TMEM41B: variants seen among roughly 807,000 people sequenced by gnomAD.
The protein encoded by TMEM41B is transmembrane protein 41B.
A neutral mutation model predicts 31.9 loss-of-function variants in TMEM41B; 18 were observed. The observed-to-expected ratio is 0.56, with a 90% CI of 0.39 to 0.84. The LOEUF (loss-of-function observed/expected upper bound fraction) is 0.84, where lower values mean the gene tolerates loss of function less well. Ranked by LOEUF, TMEM41B falls within the 40% of genes least tolerant of loss-of-function variation. The pLI is 0.00. For synonymous variants in TMEM41B, 144 were observed against 124.3 expected, an observed-to-expected ratio of 1.16 and a Z score of -1.05; for missense variants, 322 against 348.0, an observed-to-expected ratio of 0.93 and a Z score of 0.59.
intron 3 of TMEM41B, among the ~76,000 whole-genome samples, chr11:9,290,038 A>AACACACACAC (rs138140225): frequency 2.7e-4 from 40 of 149,900 alleles, no homozygotes; most frequent in Admixed American, 1.0e-3. Flanking sequence ...TCAAAAACAA[A>AACACACACAC]ACACACACAC....
At chr11:9,292,804 A>G (rs1852988348) in intron 3 of TMEM41B, among the ~76,000 whole-genome samples, 1 of 151,428 alleles carries the variant, frequency 6.6e-6, no homozygotes, top group Admixed American at 6.6e-5. Flanking sequence ...CGGCCCTGAT[A>G]ATACTATTCT....
At chr11:9,306,181 G>T (rs953657547) in intron 1 of TMEM41B, among the ~76,000 whole-genome samples, 1 of 151,298 alleles carries the variant, frequency 6.6e-6, no homozygotes, top group African/African-American at 2.4e-5. Context: ...GTTTCACCAT[G>T]TTGGCCAGGC....
chr11:9,313,542 T>C (rs1853613730), intron 1 of TMEM41B, among the ~76,000 whole-genome samples: 1 of 152,194 alleles, frequency 6.6e-6, no homozygotes, highest in Non-Finnish European at 1.5e-5. Context: ...AGCCGTGAGA[T>C]TCTGCAATTA....
chr11:9,292,979 C>A (rs1488898882), intron 3 of TMEM41B, among the ~76,000 whole-genome samples: 4 of 152,090 alleles, frequency 2.6e-5, no homozygotes, highest in Non-Finnish European at 5.9e-5. Context: ...TCTTAAGATT[C>A]CTGCTATTCT....
At chr11:9,300,921 TTC>T (rs1386303000) in intron 1 of TMEM41B, among the ~76,000 whole-genome samples, 1 of 151,454 alleles carries the variant, frequency 6.6e-6, no homozygotes, top group African/African-American at 2.4e-5. Context: ...TGGAATGAGA[TTC>T]CAGAAGCAGT....
At chr11:9,289,777 C>T (rs559410609) in intron 3 of TMEM41B, among the ~76,000 whole-genome samples, 3 of 152,308 alleles carry the variant, frequency 2.0e-5, no homozygotes, top group Admixed American at 1.3e-4. Flanking sequence ...TAGACTTCAT[C>T]CTGCATGAAA....
rs924145455 is a variant in TMEM41B at position 9,314,578 on chromosome 11, G to C, written c.-137C>G. ...GACCTCCTCACCCGAGACGACCTCA[G>C]CCCAGCGAGTACTGCAACCTCCTGC... On this transcript the variant is annotated 5_prime_UTR_variant, in exon 1 of 7. Coordinates refer to ENST00000528080, the MANE Select transcript of TMEM41B (RefSeq NM_015012.4). 2.3e-6 allele frequency: 3 copies of C among 1,277,914 alleles called. No individual in the cohort carries two copies. The African/African-American group carries it at 4.6e-5, about 19-fold the overall frequency. The allele number at this position is 1,277,914 out of a possible 1,614,324, so 79.2% of individuals were successfully genotyped here.
rs796699101 is a variant in TMEM41B, at chr11:9,299,155, C to A, written c.239+429G>T. 9.9e-5 allele frequency among the ~76,000 whole-genome samples: 15 copies of A among 151,544 alleles called. 1 individual carries two copies. The highest frequency in any genetic ancestry group is 3.6e-4 in the African/African-American group (15 of 41,326). On this transcript the variant is annotated intron_variant, in intron 2 of 6. Coordinates refer to ENST00000528080, the MANE Select transcript of TMEM41B (RefSeq NM_015012.4). ...AATTAGCTGGGTGTGGTGGCCCACC[C>A]CTATAATCCCAGCTACTCGAGAGGC...
At chr11:9,283,637 G>T in intron 6 of TMEM41B, 44 bp from the exon 7 acceptor site, 1 of 1,525,946 alleles carries the variant, frequency 6.6e-7, no homozygotes, top group Non-Finnish European at 8.8e-7. Context: ...CACCGCAATT[G>T]TTTTTAAAAA....
intron 1 of TMEM41B, 130 bp from the exon 2 acceptor site, chr11:9,299,831 A>C (rs888195309): frequency 1.4e-6 from 1 of 732,604 alleles, no homozygotes; most frequent in African/African-American, 1.8e-5. Flanking sequence ...ATTAAATTTA[A>C]GCACTGGGCC....
intron 6 of TMEM41B, among the ~76,000 whole-genome samples, chr11:9,285,259 A>T (rs1852811582): frequency 2.0e-5 from 3 of 151,890 alleles, no homozygotes; most frequent in Non-Finnish European, 4.4e-5. Flanking sequence ...TAATTTTTGA[A>T]TTTTTAGTAG....
At chr11:9,311,569 A>G in intron 1 of TMEM41B, 1 of 1,113,438 alleles carries the variant, frequency 9.0e-7, no homozygotes, top group African/African-American at 1.6e-5. Context: ...GGAGGAGGAC[A>G]GGGGCCTGGG....
At chr11:9,286,345 T>C (rs951068682) in intron 6 of TMEM41B, 110 bp downstream of exon 6, 10 of 1,142,650 alleles carry the variant, frequency 8.8e-6, no homozygotes, top group South Asian at 1.8e-5. Flanking sequence ...CCAAGAATTC[T>C]AGATGGTGCT....
At chr11:9,304,775 A>G (rs558977490) in intron 1 of TMEM41B, among the ~76,000 whole-genome samples, 1 of 151,938 alleles carries the variant, frequency 6.6e-6, no homozygotes, top group Non-Finnish European at 1.5e-5. Context: ...TTCCTGCCTC[A>G]ATCTCCCAAG....
rs1347001518 is a variant in TMEM41B at position 9,283,033 on chromosome 11, C to A, written c.*391G>T. On this transcript the variant is annotated 3_prime_UTR_variant, in exon 7 of 7. Coordinates refer to ENST00000528080, the MANE Select transcript of TMEM41B (RefSeq NM_015012.4). ...TGAAAAAAGCCTAACATTAACAAAA[C>A]CTGCAACACTACTTTAAAAAATCTA... The A allele has an allele frequency of 6.7e-6, 1 of 150,094 alleles. No homozygotes were observed. Among genetic ancestry groups the A allele is most frequent in the Admixed American group, 6.6e-5 (1 of 15,054 alleles). 9.3% of individuals were successfully genotyped at this position (150,094 alleles called of 1,614,324 possible). A position where few individuals can be genotyped will look rare whatever the true frequency, so the allele number is the denominator to read the frequency against.
At chr11:9,301,699 T>C (rs865949279) in intron 1 of TMEM41B, among the ~76,000 whole-genome samples, 1 of 152,160 alleles carries the variant, frequency 6.6e-6, no homozygotes, top group African/African-American at 2.4e-5. Context: ...CTCACCCAAG[T>C]AGTAACAAAT....
chr11:9,287,246 G>A (rs867201205), intron 5 of TMEM41B, among the ~76,000 whole-genome samples: 25 of 152,298 alleles, frequency 1.6e-4, no homozygotes, highest in African/African-American at 5.8e-4. Flanking sequence ...AGGAGGCAGA[G>A]GTTGCAGTGA....
intron 1 of TMEM41B, among the ~76,000 whole-genome samples, chr11:9,307,150 T>C (rs1405156852): frequency 6.6e-6 from 1 of 152,144 alleles, no homozygotes; most frequent in African/African-American, 2.4e-5. Context: ...CAAAGCAAAA[T>C]ATTCCAATGT....
At position 9,287,817 on chromosome 11, in the gene TMEM41B, AAAG is replaced by A; in HGVS notation, c.463-14_463-12del. On this transcript the variant is annotated splice_polypyrimidine_tract_variant and intron_variant, in intron 4 of 6. Coordinates refer to ENST00000528080, the MANE Select transcript of TMEM41B (RefSeq NM_015012.4). ...ACCAAGTCCAGAACACTGGAAAACA[AAAG>A]AAGCCATAAGCGTTTTGTATTTTTC... 6.3e-7 allele frequency: 1 copy of A among 1,589,016 alleles called. No individual in the cohort carries two copies. Among genetic ancestry groups the A allele is most frequent in the Non-Finnish European group, 8.6e-7 (1 of 1,163,192 alleles).
Sources: allele counts gnomAD v4.1 joint callset (sites outside exome capture counted in the v4.1 genomes callset), GRCh38; gene constraint gnomAD v4.1.1; transcripts MANE v1.5; gene names NCBI Gene and HGNC (gene_info 2026-07-23, HGNC 2026-07-21).